The following ABCA9 variants were observed in gnomAD, a reference collection of about 807,000 sequenced individuals.
ABCA9 encodes ATP-binding cassette sub-family A member 9.
Under a neutral mutation model 205.3 loss-of-function variants are expected in ABCA9, and 183 were observed. That is an observed-to-expected ratio of 0.89 (90% CI 0.79 to 1.01). ABCA9 has a LOEUF of 1.01. Among genes scored for constraint, ABCA9 ranks in the 50% least tolerant of loss-of-function variants. ABCA9 has a pLI of 0.00. For missense variants in ABCA9, 1,805 were observed against 1,912.4 expected (o/e 0.94, Z 1.05); for synonymous variants, 651 against 683.3 (o/e 0.95, Z 0.74).
intron 9 of ABCA9, chr17:69,033,009 T>C (rs1034597597): frequency 6.6e-6 from 1 of 151,862 alleles, no homozygotes; most frequent in Non-Finnish European, 1.5e-5. Context: ...TGTTTCTCTA[T>C]AGGAAAGATT....
chr17:69,058,414 G>A (rs1306047826), intron 1 of ABCA9, among the ~76,000 whole-genome samples: 2 of 152,112 alleles, frequency 1.3e-5, no homozygotes, highest in Non-Finnish European at 1.5e-5. Flanking sequence ...GTGGGAAGAC[G>A]ATTTATTCAA....
intron 7 of ABCA9, 82 bp downstream of exon 7, chr17:69,035,578 T>C: frequency 6.5e-7 from 1 of 1,539,136 alleles, no homozygotes. Context: ...ACAAAAGAGG[T>C]GAGACCAGAA....
At position 69,016,356 on chromosome 17, in the gene ABCA9, C is replaced by T. The variant is rs747525085; in HGVS notation, c.2936G>A (p.Arg979Gln). The change falls in exon 22 of 39, where the codon CGG (arginine) becomes CAG (glutamine). Residue 979 changes from arginine to glutamine, a missense_variant. Arg to Gln is a conservative substitution (Grantham distance 43). Transcript: ENST00000340001. ...CAGGAGGACAGGAAAGCAATTCAGC[C>T]GTTTTGTATTACATGCTATTGAAAA... ...HRFSIACNTK[R>Q]LNCFPVLLDV... 1.0e-5 allele frequency: 16 copies of T among 1,601,296 alleles called. No individual in the cohort carries two copies. Among genetic ancestry groups the T allele is most frequent in the African/African-American group, 8.1e-5 (6 of 73,874 alleles).
In ABCA9 at chr17:68,989,855, TCTTC is replaced by T. The variant is rs570151793; in HGVS notation, c.3909_3912del (p.Lys1306LeufsTer16). The T allele has an allele frequency of 1.5e-5, 24 of 1,612,728 alleles. No homozygotes were observed. The Middle Eastern group carries it at 6.6e-4, about 44-fold the overall frequency. Reference sequence around the variant, plus strand: ...GAGACATTTCTTGTGGCAATTTTTTTCTTCCTTTTAGAAAAGCAATTTTTCTTTT... The same window carrying T: ...GAGACATTTCTTGTGGCAATTTTTTTCTTTTAGAAAAGCAATTTTTCTTTT... On this transcript the variant is annotated frameshift_variant, in exon 30 of 39. Coordinates refer to ENST00000340001, the MANE Select transcript of ABCA9 (RefSeq NM_080283.4). LOFTEE classifies it high-confidence loss of function.
chr17:68,984,754 TA>T (rs1187960777), intron 34 of ABCA9, 130 bp downstream of exon 34: 1 of 1,193,156 alleles, frequency 8.4e-7, no homozygotes, highest in African/African-American at 1.5e-5. Context: ...TGAAATCAGA[TA>T]ATTTTTTTTC....
At position 68,986,257 on chromosome 17, in the gene ABCA9, G is replaced by T. The variant is rs778683579; in HGVS notation, c.4115C>A (p.Ala1372Glu). Residue 1372 changes from alanine to glutamate, a missense_variant, in exon 32 of 39, where the codon GCG becomes GAG. Physicochemically the swap from Ala to Glu is moderately radical, Grantham distance 107 (BLOSUM62 -1). Transcript: ENST00000340001. ...CCTCACTGTCAGGTTGGGCCACAGC[G>T]CATTCTCCTGAGGGCAGTACCCCAG... ...GFLGYCPQEN[A>E]LWPNLTVRQH... The T allele has an allele frequency of 2.5e-6, 4 of 1,613,798 alleles. No homozygotes were observed. The African/African-American group carries it at 4.0e-5, about 16-fold the overall frequency.
chr17:68,978,235 C>T (rs931252243), intron 37 of ABCA9, among the ~76,000 whole-genome samples: 45 of 152,082 alleles, frequency 3.0e-4, no homozygotes, highest in African/African-American at 1.0e-3. Flanking sequence ...CCTTCTTTGT[C>T]TCTTTTGATC....
intron 6 of ABCA9, among the ~76,000 whole-genome samples, chr17:69,039,439 A>G (rs1459424031): frequency 6.6e-6 from 1 of 152,210 alleles, no homozygotes; most frequent in Non-Finnish European, 1.5e-5. Context: ...AAACGTGACA[A>G]TAACAATAAA....
rs572123311 is a variant in ABCA9, at chr17:68,982,568, C to T, written c.4714G>A (p.Glu1572Lys). 1 of 1,613,530 alleles carries T rather than the reference C, an allele frequency of 6.2e-7. No homozygotes were observed. Among genetic ancestry groups the T allele is most frequent in the Non-Finnish European group, 8.5e-7 (1 of 1,179,470 alleles). Residue 1572 changes from glutamate (E) to lysine (K), a missense_variant, in exon 37 of 39, where the codon GAG (glutamate) becomes AAG (lysine). Transcript: ENST00000340001. The part of the protein sequence containing the change: ...RPLSQAFFKL[E>K]IVKQSFDLEE... ...TCTAAACAGTCACTCTTACCTATCT[C>T]TAATTTGAAGAAAGCCTGTGATAAA...
chr17:69,057,020 G>A (rs1353412570), intron 1 of ABCA9, among the ~76,000 whole-genome samples: 1 of 152,154 alleles, frequency 6.6e-6, no homozygotes, highest in African/African-American at 2.4e-5. Context: ...ATTGTGGAAT[G>A]GACTGTTGAG....
intron 22 of ABCA9, among the ~76,000 whole-genome samples, chr17:69,012,823 G>C (rs1403679017): frequency 6.6e-6 from 1 of 152,000 alleles, no homozygotes; most frequent in Non-Finnish European, 1.5e-5. Flanking sequence ...AAAATACTAG[G>C]TCTTATTCAT....
Position 68,983,819 on chromosome 17 carries a change from G to T in ABCA9, c.4530C>A (p.Ser1510Arg). The T allele has an allele frequency of 6.2e-7, 1 of 1,614,172 alleles. No individual in the cohort carries two copies. ...RCIGSIQHLK[S>R]KFGKDYLLEM... ...CCAGCAGGTAGTCTTTGCCAAATTTGCTTTTCAGGTGTTGGATGGAACCAA... is the reference window on the plus strand; with the variant it reads ...CCAGCAGGTAGTCTTTGCCAAATTTTCTTTTCAGGTGTTGGATGGAACCAA... Residue 1510 changes from serine to arginine, a missense_variant, in exon 36 of 39, where the codon AGC becomes AGA. Ser to Arg is a moderately radical substitution (Grantham distance 110). Transcript: ENST00000340001.
Position 68,990,875 on chromosome 17 carries a change from T to G in ABCA9, c.3799A>C (p.Arg1267=). 1 of 1,614,028 alleles carries G rather than the reference T, an allele frequency of 6.2e-7. No individual in the cohort carries two copies. Among genetic ancestry groups the G allele is most frequent in the Non-Finnish European group, 8.5e-7 (1 of 1,179,942 alleles). The change falls in exon 29 of 39, where the codon AGA becomes CGA. Residue 1267 remains arginine (R), a synonymous_variant. Coordinates refer to ENST00000340001, the MANE Select transcript of ABCA9 (RefSeq NM_080283.4). ...EEEDIQMERM[R]TVNAMAVRDF... ...CGCACAGCCATAGCATTCACTGTTC[T>G]CATTCTTTCCATCTGGATATCTTCC... is the stretch of plus-strand genomic sequence containing the variant.
At chr17:69,019,485 C>T (rs1598381050) in intron 19 of ABCA9, among the ~76,000 whole-genome samples, 1 of 152,256 alleles carries the variant, frequency 6.6e-6, no homozygotes, top group South Asian at 2.1e-4. Context: ...CCATTCTCCT[C>T]TCTCTTCTTC....
At position 69,007,786 on chromosome 17, in the gene ABCA9, A is replaced by G. The variant is rs375215083; in HGVS notation, c.3408T>C (p.Ser1136=). Residue 1136 remains serine, a synonymous_variant, in exon 25 of 39, where the codon AGT becomes AGC. Transcript: ENST00000340001. ...TTAAGAAGAAAAATGACCAAATGCC[A>G]CTATTTTTTCTCCCATTGCGAAAAA... ...SFIFRNGRKN[S]GIWSFFFLIV... 1 of 1,605,248 alleles carries G rather than the reference A, an allele frequency of 6.2e-7. No homozygotes were observed. The highest frequency in any genetic ancestry group is 1.1e-5 in the South Asian group (1 of 90,718).
In ABCA9 at chr17:69,016,331, C is replaced by T. The variant is rs2070612328; in HGVS notation, c.2961G>A (p.Leu987=). ...CAAGTAGTCCATTGCTAATGACATC[C>T]AGGAGGACAGGAAAGCAATTCAGCC... ...TKRLNCFPVL[L]DVISNGLLGI... Residue 987 remains leucine (L), a synonymous_variant, in exon 22 of 39, where the codon CTG becomes CTA. Transcript: ENST00000340001. 6.2e-7 allele frequency: 1 copy of T among 1,601,822 alleles called. No homozygotes were observed. The highest frequency in any genetic ancestry group is 1.7e-5 in the Admixed American group (1 of 57,454).
At position 69,016,261 on chromosome 17, in the gene ABCA9, A is replaced by G; in HGVS notation, c.3031T>C (p.Phe1011Leu). The G allele has an allele frequency of 6.4e-7, 1 of 1,574,004 alleles. No homozygotes were observed. Among genetic ancestry groups the G allele is most frequent in the African/African-American group, 1.4e-5 (1 of 72,242 alleles). The change falls in exon 22 of 39, where the codon TTT becomes CTT. Residue 1011 changes from phenylalanine (F) to leucine (L), a missense_variant. Transcript: ENST00000340001. Reference protein sequence around the residue: ...SEHIQTDRSTFFEEHMDYEYG... With the variant: ...SEHIQTDRSTLFEEHMDYEYG... ...GATATAATTATACTTACTTCAAAAAATGTGCTTCTGTCAGTCTGAATGTGT... is the reference window on the plus strand; with the variant it reads ...GATATAATTATACTTACTTCAAAAAGTGTGCTTCTGTCAGTCTGAATGTGT...
At chr17:69,069,618 T>C in the ABCA9 span, among the ~76,000 whole-genome samples, 1 of 151,500 alleles carries the variant, frequency 6.6e-6, no homozygotes, top group African/African-American at 2.4e-5. Context: ...TTACAAGGGG[T>C]GTGTTAGGGA....
chr17:69,057,692 T>C (rs1193966381), intron 1 of ABCA9, among the ~76,000 whole-genome samples: 1 of 152,240 alleles, frequency 6.6e-6, no homozygotes, highest in Admixed American at 6.5e-5. Flanking sequence ...TAATTATTTA[T>C]ACTCTTTCAT....
Sources: allele counts gnomAD v4.1 joint callset (sites outside exome capture counted in the v4.1 genomes callset), GRCh38; gene constraint gnomAD v4.1.1; transcripts MANE v1.5; gene names NCBI Gene and HGNC (gene_info 2026-07-23, HGNC 2026-07-21).